The following TMEM63A variants were observed in gnomAD, a reference collection of about 807,000 sequenced individuals.
TMEM63A encodes the protein mechanosensitive cation channel TMEM63A.
TMEM63A carries 76 observed loss-of-function variants against 100.6 expected under a neutral mutation model. The ratio of observed to expected loss-of-function variants is 0.76; its 90% CI spans 0.63 to 0.91. TMEM63A has a LOEUF of 0.91. Ranked by LOEUF, TMEM63A falls within the 40% of genes least tolerant of loss-of-function variation. The pLI is 0.00. For missense variants in TMEM63A, 876 were observed against 1,008.8 expected (o/e 0.87, Z 1.78); for synonymous variants, 401 against 401.1 (o/e 1.00, Z 0.00).
At chr1:225,880,802 T>C (rs1306594744) in intron 1 of TMEM63A, among the ~76,000 whole-genome samples, 1 of 152,222 alleles carries the variant, frequency 6.6e-6, no homozygotes, top group African/African-American at 2.4e-5. Flanking sequence ...CAAAGTAAAC[T>C]ACCTATGCTA....
rs1228671616 is a variant in TMEM63A at position 225,866,978 on chromosome 1, AACT to A, written c.566+131_566+133del. 3.3e-6 allele frequency: 3 copies of A among 919,994 alleles called. No homozygotes were observed. In the Admixed American group the frequency reaches 5.3e-5, roughly 16 times the overall value. The allele number at this position is 919,994 out of a possible 1,614,324, so 57.0% of individuals were successfully genotyped here. On this transcript the variant is annotated intron_variant, in intron 8 of 24. Coordinates refer to ENST00000366835, the MANE Select transcript of TMEM63A (RefSeq NM_014698.3). Reference sequence around the variant, plus strand: ...GGCGTGTTCATGCCCACAGCTCAACAACTCACTAGCTGCAAGGGGCCTTCAGAT... The same window carrying A: ...GGCGTGTTCATGCCCACAGCTCAACACACTAGCTGCAAGGGGCCTTCAGAT...
chr1:225,848,057 G>C (rs563312856), intron 23 of TMEM63A, among the ~76,000 whole-genome samples: 65 of 152,310 alleles, frequency 4.3e-4, no homozygotes, highest in Admixed American at 2.7e-3. Context: ...TGAAGCAGGT[G>C]CAATGTTCAT....
chr1:225,846,951 A>C lies in TMEM63A; in HGVS notation c.*7-19T>G. ...GTGAGACCTAAAACAGATGGGAAGA[A>C]GTCATGAACTTGGGAGTCAGGCCGC... On this transcript the variant is annotated intron_variant, in intron 24 of 24. Coordinates refer to ENST00000366835, the MANE Select transcript of TMEM63A (RefSeq NM_014698.3). The C allele has an allele frequency of 7.0e-7, 1 of 1,434,552 alleles. No homozygotes were observed. Among genetic ancestry groups the C allele is most frequent in the Non-Finnish European group, 9.3e-7 (1 of 1,077,694 alleles). 88.9% of individuals were successfully genotyped at this position (1,434,552 alleles called of 1,614,324 possible).
chr1:225,864,140 A>G (rs567554496), intron 10 of TMEM63A: 1 of 152,250 alleles, frequency 6.6e-6, no homozygotes, highest in Admixed American at 6.5e-5. Flanking sequence ...CCTGGCTCCA[A>G]GGTCAATGCT....
At chr1:225,881,378 C>T (rs77454563) in intron 1 of TMEM63A, among the ~76,000 whole-genome samples, 160 of 152,322 alleles carry the variant, frequency 1.1e-3, no homozygotes, top group African/African-American at 3.7e-3. Context: ...GCCCAGGACC[C>T]GGCCCTAGCA....
Position 225,867,011 on chromosome 1 carries a change from G to A in TMEM63A, c.566+101C>T. ...AGCTGCAAGGGGCCTTCAGATACCA[G>A]CCGGCCCCCTTTGGAGTACCTCTGG... On this transcript the variant is annotated intron_variant, in intron 8 of 24. Transcript: ENST00000366835. This position sits in a 1 kb window ranked among gnomAD's most constrained non-coding sequence, Gnocchi z 4.6. 1 of 1,232,558 alleles carries A rather than the reference G, an allele frequency of 8.1e-7. No homozygotes were observed. The highest frequency in any genetic ancestry group is 1.2e-6 in the Non-Finnish European group (1 of 833,578). The allele number at this position is 1,232,558 out of a possible 1,614,324, so 76.4% of individuals were successfully genotyped here.
At position 225,859,288 on chromosome 1, in the gene TMEM63A, G is replaced by A. The variant is rs753599553; in HGVS notation, c.1285C>T (p.Leu429Phe). Residue 429 changes from leucine (L) to phenylalanine (F), a missense_variant, in exon 15 of 25, where the codon CTC (leucine) becomes TTC (phenylalanine). By Grantham distance (22) the Leu-to-Phe change is conservative (BLOSUM62 0). Coordinates refer to ENST00000366835, the MANE Select transcript of TMEM63A (RefSeq NM_014698.3). ...GTCAGGAAAAATAGCCCCAGGAAGA[G>A]GGTGAAGTTGATGCCCAGCCACTGT... ...WLQWLGINFT[L>F]FLGLFFLTTP... 1 of 1,614,170 alleles carries A rather than the reference G, an allele frequency of 6.2e-7. No individual in the cohort carries two copies. Among genetic ancestry groups the A allele is most frequent in the Non-Finnish European group, 8.5e-7 (1 of 1,180,034 alleles).
intron 1 of TMEM63A, among the ~76,000 whole-genome samples, chr1:225,881,440 G>A (rs1671083627): frequency 6.6e-6 from 1 of 152,232 alleles, no homozygotes; most frequent in Admixed American, 6.5e-5. Context: ...CAGCTAATGG[G>A]AAACACAAGG....
At chr1:225,856,189 C>T (rs904608474) in intron 17 of TMEM63A, among the ~76,000 whole-genome samples, 9 of 151,950 alleles carry the variant, frequency 5.9e-5, no homozygotes, top group Non-Finnish European at 1.2e-4. Flanking sequence ...ATTTTCTTTT[C>T]TCTTTTGTAG....
intron 21 of TMEM63A, 148 bp from the exon 22 acceptor site, chr1:225,849,160 C>T: frequency 1.6e-6 from 1 of 621,920 alleles, no homozygotes; most frequent in Non-Finnish European, 2.9e-6. Context: ...TAACCCCCCA[C>T]CCCCACCCCT....
At position 225,865,950 on chromosome 1, in the gene TMEM63A, G is replaced by T; in HGVS notation, c.693C>A (p.Phe231Leu). The change falls in exon 10 of 25, where the codon TTC (phenylalanine) becomes TTA (leucine). Residue 231 changes from phenylalanine (F) to leucine (L), a missense_variant. Transcript: ENST00000366835. The surrounding 1 kb of genome is among the most constrained non-coding windows in gnomAD (Gnocchi z 4.6). ...TGGCATCTCTGGGGAGTCCTGTGAT[G>T]AACAGGGTCCGCCTCACCTGTCCGG... ...KEENLVRRTLFITGLPRDARK... is the reference protein window; with the variant it reads ...KEENLVRRTLLITGLPRDARK... 1 of 1,613,994 alleles carries T rather than the reference G, an allele frequency of 6.2e-7. No homozygotes were observed. The highest frequency in any genetic ancestry group is 1.3e-5 in the African/African-American group (1 of 75,032).
intron 20 of TMEM63A, among the ~76,000 whole-genome samples, chr1:225,850,780 C>T (rs1669287936): frequency 2.0e-5 from 3 of 151,984 alleles, no homozygotes; most frequent in Admixed American, 6.5e-5. Flanking sequence ...GGTGCGATCT[C>T]GGCTCACTGC....
Position 225,868,693 on chromosome 1 carries a change from G to GA in TMEM63A, c.372-664dup, listed in dbSNP as rs976199495. On this transcript the variant is annotated intron_variant, in intron 6 of 24. Transcript: ENST00000366835. ...CACAGTGAGACTCCATCTCAAAAAAGAAAAAAAAAAAAAGAATAAAGTTGG... is the reference window on the plus strand; with the variant it reads ...CACAGTGAGACTCCATCTCAAAAAAGAAAAAAAAAAAAAAGAATAAAGTTGG... 7.0e-3 allele frequency among the ~76,000 whole-genome samples: 907 copies of GA among 129,864 alleles called. 12 individuals carry two copies. Among genetic ancestry groups the GA allele is most frequent in the African/African-American group, 0.023 (808 of 35,468 alleles). The allele number at this position is 129,864 out of a possible 152,430, so 85.2% of individuals were successfully genotyped here.
At position 225,867,213 on chromosome 1, in the gene TMEM63A, A is replaced by AG; in HGVS notation, c.515-51dup. ...TTCCAGGGTCATGTGGGGAAGCAGGAGGGGGCGTAACCAATCAGCCTTGGT... is the reference window on the plus strand; with the variant it reads ...TTCCAGGGTCATGTGGGGAAGCAGGAGGGGGGCGTAACCAATCAGCCTTGGT... On this transcript the variant is annotated intron_variant, in intron 7 of 24. Coordinates refer to ENST00000366835, the MANE Select transcript of TMEM63A (RefSeq NM_014698.3). The surrounding 1 kb of genome is among the most constrained non-coding windows in gnomAD (Gnocchi z 4.6). 18 of 1,595,262 alleles carry AG rather than the reference A, an allele frequency of 1.1e-5. No individual in the cohort carries two copies. The highest frequency in any genetic ancestry group is 1.5e-5 in the Non-Finnish European group (18 of 1,162,960).
downstream of TMEM63A, chr1:225,844,671 G>C (rs374759564): frequency 7.9e-5 from 128 of 1,610,436 alleles, no homozygotes; most frequent in Non-Finnish European, 1.1e-4. Flanking sequence ...CTGGAGGCAG[G>C]GGGACGGCCA....
chr1:225,878,043 C>A (rs146319764), intron 2 of TMEM63A, among the ~76,000 whole-genome samples: 3 of 152,038 alleles, frequency 2.0e-5, no homozygotes, highest in African/African-American at 7.3e-5. Flanking sequence ...AGGAAAACAC[C>A]GGGATAAACA....
Position 225,862,670 on chromosome 1 carries a change from G to A in TMEM63A, c.828-92C>T. ...ACAGTTCAACCATCGAACGCCAGGG[G>A]AGAAGGAGGGGTCCAGGGCCTCCCG... On this transcript the variant is annotated intron_variant, in intron 11 of 24. Transcript: ENST00000366835. This position sits in a 1 kb window ranked among gnomAD's most constrained non-coding sequence, Gnocchi z 5.1. 2 of 1,603,282 alleles carry A rather than the reference G, an allele frequency of 1.2e-6. No individual in the cohort carries two copies. The highest frequency in any genetic ancestry group is 2.0e-4 in the Middle Eastern group (1 of 5,116).
rs748792169 is a variant in TMEM63A at position 225,862,563 on chromosome 1, C to G, written c.843G>C (p.Lys281Asn). The change falls in exon 12 of 25, where the codon AAG becomes AAC. Residue 281 changes from lysine (K) to asparagine (N), a missense_variant. This residue lies in a region of TMEM63A where 487 missense variants were observed against 581.9 expected (regional missense o/e 0.84). Transcript: ENST00000366835. The surrounding 1 kb of genome is among the most constrained non-coding windows in gnomAD (Gnocchi z 5.1). Reference sequence around the variant, plus strand: ...GCAGGTTTGTGTAATAGGTCAGGCTCTTCTCAGTCTTCTTTCTGTAGGGGT... The same window carrying G: ...GCAGGTTTGTGTAATAGGTCAGGCTGTTCTCAGTCTTCTTTCTGTAGGGGT... ...YLCKEKKKTE[K>N]SLTYYTNLQV... 6.2e-7 allele frequency: 1 copy of G among 1,613,686 alleles called. No individual in the cohort carries two copies. The highest frequency in any genetic ancestry group is 1.1e-5 in the South Asian group (1 of 91,056).
At position 225,868,024 on chromosome 1, in the gene TMEM63A, G is replaced by T; in HGVS notation, c.378C>A (p.Asp126Glu). ...WLTAIFRLHD[D>E]QILEWCGEDA... ...CCTCCCCACACCATTCCAGGATCTGGTCATCACTGGCCAAGACACAGAGGA... is the reference window on the plus strand; with the variant it reads ...CCTCCCCACACCATTCCAGGATCTGTTCATCACTGGCCAAGACACAGAGGA... Residue 126 changes from aspartate (D) to glutamate (E), a missense_variant, in exon 7 of 25, where the codon GAC becomes GAA. By Grantham distance (45) the Asp-to-Glu change is conservative. Around this residue, in one of 5 missense-constraint regions of TMEM63A, gnomAD observed 487 missense variants for 581.9 expected, o/e 0.84. Coordinates refer to ENST00000366835, the MANE Select transcript of TMEM63A (RefSeq NM_014698.3). The T allele has an allele frequency of 5.6e-6, 9 of 1,614,160 alleles. No individual in the cohort carries two copies. Among genetic ancestry groups the T allele is most frequent in the East Asian group, 2.2e-5 (1 of 44,890 alleles).
Sources: gnomAD v4.1 joint callset for allele counts (sites outside exome capture counted in the v4.1 genomes callset) on GRCh38, gnomAD v4.1.1 for gene constraint, gnomAD v4.1.1 regional missense constraint, Gnocchi (gnomAD v3.1) non-coding constraint, MANE v1.5 for transcripts, NCBI Gene and HGNC (gene_info 2026-07-23, HGNC 2026-07-21) for gene names.